ZBTB22: variants seen among roughly 807,000 people sequenced by gnomAD.
The protein encoded by ZBTB22 is zinc finger and BTB domain containing 22.
For synonymous variants in ZBTB22, 356 were observed against 347.3 expected (o/e 1.03, Z -0.28); for missense variants, 668 against 834.1 (o/e 0.80, Z 2.45).
chr6:33,315,903 TTCA>T lies in ZBTB22; in HGVS notation c.1011_1013del (p.Asp337del), dbSNP rs1464678101. The T allele has an allele frequency of 1.2e-6, 2 of 1,613,878 alleles. No individual in the cohort carries two copies. The highest frequency in any genetic ancestry group is 1.7e-6 in the Non-Finnish European group (2 of 1,179,988). On this transcript the variant is annotated inframe_deletion, in exon 2 of 2. Transcript: ENST00000431845. The surrounding 1 kb of genome is among the most constrained non-coding windows in gnomAD (Gnocchi z 5.4). ...GAACCCTGGAGCTACCCCCTAGTTC[TTCA>T]TCTTCATCATCCTCACAGGTCAACA...
At position 33,314,431 on chromosome 6, in the gene ZBTB22, A is replaced by C; in HGVS notation, c.*581T>G. 3 of 297,172 alleles carry C rather than the reference A, an allele frequency of 1.0e-5. No homozygotes were observed. The highest frequency in any genetic ancestry group is 6.2e-5 in the East Asian group (1 of 16,108). 18.4% of individuals were successfully genotyped at this position (297,172 alleles called of 1,614,324 possible). A position where few individuals can be genotyped will look rare whatever the true frequency, so the allele number is the denominator to read the frequency against. On this transcript the variant is annotated 3_prime_UTR_variant, in exon 2 of 2. Transcript: ENST00000431845. ...CGGGAAGCCAAGTAAATGACCAATA[A>C]ATATTTTAATCACTGTTAAAAAAAA...
Position 33,316,674 on chromosome 6 carries a change from G to A in ZBTB22, c.243C>T (p.Tyr81=), listed in dbSNP as rs772746762. ...HRAVLAASSP[Y]FHDQVLLKGM... is the part of the protein sequence containing the mutation. ...CTTTGAGTAGGACCTGATCATGGAA[G>A]TAAGGGGAGGAGGCAGCCAGGACAG... Residue 81 remains tyrosine (Y), a synonymous_variant, in exon 2 of 2, where the codon TAC becomes TAT. Coordinates refer to ENST00000431845, the MANE Select transcript of ZBTB22 (RefSeq NM_005453.5). This position sits in a 1 kb window ranked among gnomAD's most constrained non-coding sequence, Gnocchi z 7.2. 46 of 1,614,106 alleles carry A rather than the reference G, an allele frequency of 2.8e-5. No homozygotes were observed. The highest frequency in any genetic ancestry group is 3.8e-5 in the Non-Finnish European group (45 of 1,180,048).
In ZBTB22 at chr6:33,316,419, G is replaced by T; in HGVS notation, c.498C>A (p.Val166=). The change falls in exon 2 of 2, where the codon GTC becomes GTA. Residue 166 remains valine, a synonymous_variant. Transcript: ENST00000431845. The surrounding 1 kb of genome is among the most constrained non-coding windows in gnomAD (Gnocchi z 7.2). ...TTITTAAATS[V]TVPGAGVPSG... ...ATGGCACCCCAGCACCAGGGACAGT[G>T]ACAGAGGTGGCTGCAGCAGTAGTGA... 6.2e-7 allele frequency: 1 copy of T among 1,614,168 alleles called. No homozygotes were observed. The highest frequency in any genetic ancestry group is 1.1e-5 in the South Asian group (1 of 91,082).
rs747151828 is a variant in ZBTB22 at position 33,315,490 on chromosome 6, C to T, written c.1427G>A (p.Gly476Glu). ...CTTATTCCCGTCCCCACTGCCAGTC[C>T]CTCCAGGGACCCCACCAACGCTACC... ...VPGSVGGVPG[G>E]TGSGDGNKIF... Residue 476 changes from glycine to glutamate, a missense_variant, in exon 2 of 2, where the codon GGG (glycine) becomes GAG (glutamate). Transcript: ENST00000431845. The surrounding 1 kb of genome is among the most constrained non-coding windows in gnomAD (Gnocchi z 5.4). 1 of 1,614,002 alleles carries T rather than the reference C, an allele frequency of 6.2e-7. No homozygotes were observed. Among genetic ancestry groups the T allele is most frequent in the East Asian group, 2.2e-5 (1 of 44,860 alleles).
At chr6:33,317,048 C>CA in intron 1 of ZBTB22, 63 bp from the exon 2 acceptor site, 1 of 1,141,858 alleles carries the variant, frequency 8.8e-7, no homozygotes, top group Non-Finnish European at 1.2e-6. Flanking sequence ...CGTTACAACT[C>CA]AAAAATATGT....
Position 33,316,411 on chromosome 6 carries a change from G to T in ZBTB22, c.506C>A (p.Pro169His). The change falls in exon 2 of 2, where the codon CCT becomes CAT. Residue 169 changes from proline to histidine, a missense_variant. Coordinates refer to ENST00000431845, the MANE Select transcript of ZBTB22 (RefSeq NM_005453.5). The surrounding 1 kb of genome is among the most constrained non-coding windows in gnomAD (Gnocchi z 7.2). Reference sequence around the variant, plus strand: ...ACTCCCGGATGGCACCCCAGCACCAGGGACAGTGACAGAGGTGGCTGCAGC... The same window carrying T: ...ACTCCCGGATGGCACCCCAGCACCATGGACAGTGACAGAGGTGGCTGCAGC... Reference protein sequence around the residue: ...TTAAATSVTVPGAGVPSGSGG... With the variant: ...TTAAATSVTVHGAGVPSGSGG... The T allele has an allele frequency of 6.2e-7, 1 of 1,614,160 alleles. No homozygotes were observed.
chr6:33,314,856 G>A lies in ZBTB22; in HGVS notation c.*156C>T. 1.5e-6 allele frequency: 2 copies of A among 1,375,062 alleles called. No homozygotes were observed. The highest frequency in any genetic ancestry group is 1.9e-6 in the Non-Finnish European group (2 of 1,049,276). 85.2% of individuals were successfully genotyped at this position (1,375,062 alleles called of 1,614,324 possible). A position where few individuals can be genotyped will look rare whatever the true frequency, so the allele number is the denominator to read the frequency against. ...TGAGTAGTAGAATGGGCGGGCGATGGTGAAACTGTGGTTCCCCTTCCAGAA... is the reference window on the plus strand; with the variant it reads ...TGAGTAGTAGAATGGGCGGGCGATGATGAAACTGTGGTTCCCCTTCCAGAA... On this transcript the variant is annotated 3_prime_UTR_variant, in exon 2 of 2. Coordinates refer to ENST00000431845, the MANE Select transcript of ZBTB22 (RefSeq NM_005453.5).
chr6:33,315,129 G>T lies in ZBTB22; in HGVS notation c.1788C>A (p.Gly596=). 1 of 1,612,624 alleles carries T rather than the reference G, an allele frequency of 6.2e-7. No homozygotes were observed. The highest frequency in any genetic ancestry group is 8.5e-7 in the Non-Finnish European group (1 of 1,178,932). The part of the protein sequence containing the change: ...LPSKRESPGV[G]GGSGDEASAA... ...CACTCGCTTCGTCGCCGCTGCCCCC[G>T]CCCACTCCGGGAGACTCTCTCTTGG... The change falls in exon 2 of 2, where the codon GGC becomes GGA. Residue 596 remains glycine, a synonymous_variant. Transcript: ENST00000431845. The surrounding 1 kb of genome is among the most constrained non-coding windows in gnomAD (Gnocchi z 5.4).
chr6:33,316,100 C>A lies in ZBTB22; in HGVS notation c.817G>T (p.Gly273Trp). 1 of 1,613,320 alleles carries A rather than the reference C, an allele frequency of 6.2e-7. No homozygotes were observed. Among genetic ancestry groups the A allele is most frequent in the Non-Finnish European group, 8.5e-7 (1 of 1,179,958 alleles). The change falls in exon 2 of 2, where the codon GGG becomes TGG. Residue 273 changes from glycine (G) to tryptophan (W), a missense_variant. Coordinates refer to ENST00000431845, the MANE Select transcript of ZBTB22 (RefSeq NM_005453.5). This position sits in a 1 kb window ranked among gnomAD's most constrained non-coding sequence, Gnocchi z 7.2. ...ELCDDGGDGRGAVVPGAGLRR... is the reference protein window; with the variant it reads ...ELCDDGGDGRWAVVPGAGLRR... ...AGCCCAGCCCCAGGAACCACTGCCC[C>A]CCTCCCATCCCCACCATCATCGCAC...
In ZBTB22 at chr6:33,316,128, C is replaced by G; in HGVS notation, c.789G>C (p.Glu263Asp). 1 of 1,613,652 alleles carries G rather than the reference C, an allele frequency of 6.2e-7. No individual in the cohort carries two copies. Among genetic ancestry groups the G allele is most frequent in the Non-Finnish European group, 8.5e-7 (1 of 1,180,006 alleles). Reference protein sequence around the residue: ...TSGKLLLEADELCDDGGDGRG... With the variant: ...TSGKLLLEADDLCDDGGDGRG... ...TCCCATCCCCACCATCATCGCACAG[C>G]TCATCTGCCTCCAGCAGCAGCTTTC... The change falls in exon 2 of 2, where the codon GAG (glutamate) becomes GAC (aspartate). Residue 263 changes from glutamate to aspartate, a missense_variant. Physicochemically the swap from Glu to Asp is conservative, Grantham distance 45. Coordinates refer to ENST00000431845, the MANE Select transcript of ZBTB22 (RefSeq NM_005453.5). This position sits in a 1 kb window ranked among gnomAD's most constrained non-coding sequence, Gnocchi z 7.2.
chr6:33,316,199 G>A lies in ZBTB22; in HGVS notation c.718C>T (p.Pro240Ser). The change falls in exon 2 of 2, where the codon CCT (proline) becomes TCT (serine). Residue 240 changes from proline to serine, a missense_variant. Physicochemically the swap from Pro to Ser is moderately conservative, Grantham distance 74 (BLOSUM62 -1). Coordinates refer to ENST00000431845, the MANE Select transcript of ZBTB22 (RefSeq NM_005453.5). This position sits in a 1 kb window ranked among gnomAD's most constrained non-coding sequence, Gnocchi z 7.2. ...VGSGERRGGG[P>S]VFPAPVVGSG... ...CCAACGACAGGGGCTGGGAATACAGGGCCACCTCCTCGACGCTCCCCACTG... is the reference window on the plus strand; with the variant it reads ...CCAACGACAGGGGCTGGGAATACAGAGCCACCTCCTCGACGCTCCCCACTG... The A allele has an allele frequency of 6.2e-7, 1 of 1,614,046 alleles. No homozygotes were observed. The highest frequency in any genetic ancestry group is 8.5e-7 in the Non-Finnish European group (1 of 1,180,024).
Position 33,316,325 on chromosome 6 carries a change from T to C in ZBTB22, c.592A>G (p.Ser198Gly), listed in dbSNP as rs758165160. Residue 198 changes from serine to glycine, a missense_variant, in exon 2 of 2, where the codon AGT becomes GGT. Physicochemically the swap from Ser to Gly is moderately conservative, Grantham distance 56 (BLOSUM62 0). Transcript: ENST00000431845. This position sits in a 1 kb window ranked among gnomAD's most constrained non-coding sequence, Gnocchi z 7.2. ...CTGCTGCTGGGAGATTGATTCTCAC[T>C]GGCCCGGCTGGAGGCATGGGAGCGC... ...SARSHASSRASENQSPSSSNY... is the reference protein window; with the variant it reads ...SARSHASSRAGENQSPSSSNY... 1 of 1,613,944 alleles carries C rather than the reference T, an allele frequency of 6.2e-7. No homozygotes were observed. Among genetic ancestry groups the C allele is most frequent in the South Asian group, 1.1e-5 (1 of 91,088 alleles).
At position 33,315,832 on chromosome 6, in the gene ZBTB22, C is replaced by T. The variant is rs147840428; in HGVS notation, c.1085G>A (p.Arg362His). The change falls in exon 2 of 2, where the codon CGT becomes CAT. Residue 362 changes from arginine (R) to histidine (H), a missense_variant. Transcript: ENST00000431845. The surrounding 1 kb of genome is among the most constrained non-coding windows in gnomAD (Gnocchi z 5.4). ...CTTGTCTGGGGGCTCACTCAGGGTACGGACATCACTTATGCTGAGGGTAGC... is the reference window on the plus strand; with the variant it reads ...CTTGTCTGGGGGCTCACTCAGGGTATGGACATCACTTATGCTGAGGGTAGC... ...PEATLSISDVRTLSEPPDKGE... is the reference protein window; with the variant it reads ...PEATLSISDVHTLSEPPDKGE... 94 of 1,612,784 alleles carry T rather than the reference C, an allele frequency of 5.8e-5. No individual in the cohort carries two copies. Among genetic ancestry groups the T allele is most frequent in the Admixed American group, 2.3e-4 (14 of 59,964 alleles).
In ZBTB22 at chr6:33,314,851, C is replaced by T. The variant is rs1061783; in HGVS notation, c.*161G>A. The T allele has an allele frequency of 0.51, 687,034 of 1,342,590 alleles. 177,837 individuals carry two copies. The highest frequency in any genetic ancestry group is 0.63 in the South Asian group (33,738 of 53,522). 83.2% of individuals were successfully genotyped at this position (1,342,590 alleles called of 1,614,324 possible). ...GGGGTTGAGTAGTAGAATGGGCGGG[C>T]GATGGTGAAACTGTGGTTCCCCTTC... On this transcript the variant is annotated 3_prime_UTR_variant, in exon 2 of 2. Transcript: ENST00000431845.
chr6:33,314,947 G>A lies in ZBTB22; in HGVS notation c.*65C>T. 6.6e-7 allele frequency: 1 copy of A among 1,508,486 alleles called. No individual in the cohort carries two copies. The highest frequency in any genetic ancestry group is 8.9e-7 in the Non-Finnish European group (1 of 1,128,026). The allele number at this position is 1,508,486 out of a possible 1,614,324, so 93.4% of individuals were successfully genotyped here. A position where few individuals can be genotyped will look rare whatever the true frequency, so the allele number is the denominator to read the frequency against. Reference sequence around the variant, plus strand: ...GGTGGGAGATCACCCGGGGGCCACAGCGCCCTTGCATCGTGCTCCTTATTC... The same window carrying A: ...GGTGGGAGATCACCCGGGGGCCACAACGCCCTTGCATCGTGCTCCTTATTC... On this transcript the variant is annotated 3_prime_UTR_variant, in exon 2 of 2. Coordinates refer to ENST00000431845, the MANE Select transcript of ZBTB22 (RefSeq NM_005453.5).
Position 33,316,896 on chromosome 6 carries a change from A to T in ZBTB22, c.21T>A (p.Ser7=). 6.2e-7 allele frequency: 1 copy of T among 1,605,832 alleles called. No homozygotes were observed. The highest frequency in any genetic ancestry group is 8.5e-7 in the Non-Finnish European group (1 of 1,176,046). ...GCAGGGGAAGTGCTGCCCCACTGGG[A>T]GACAGAGGAGATGGCTCCATGTTGT... MEPSPL[S]PSGAALPLPL... is the part of the protein sequence containing the mutation. Residue 7 remains serine, a synonymous_variant, in exon 2 of 2, where the codon TCT becomes TCA. Transcript: ENST00000431845. The surrounding 1 kb of genome is among the most constrained non-coding windows in gnomAD (Gnocchi z 7.2).
In ZBTB22 at chr6:33,316,752, C is replaced by T; in HGVS notation, c.165G>A (p.Gln55=). The change falls in exon 2 of 2, where the codon CAG becomes CAA. Residue 55 remains glutamine (Q), a synonymous_variant. Transcript: ENST00000431845. The surrounding 1 kb of genome is among the most constrained non-coding windows in gnomAD (Gnocchi z 7.2). ...GCACTCTGATAGATACATCGCAGAGCTGGCCCTGCAGACGCTGCTGATTGA... is the reference window on the plus strand; with the variant it reads ...GCACTCTGATAGATACATCGCAGAGTTGGCCCTGCAGACGCTGCTGATTGA... ...ESLNQQRLQG[Q]LCDVSIRVQG... 1 of 1,614,200 alleles carries T rather than the reference C, an allele frequency of 6.2e-7. No individual in the cohort carries two copies. The highest frequency in any genetic ancestry group is 8.5e-7 in the Non-Finnish European group (1 of 1,180,042).
In ZBTB22 at chr6:33,314,865, T is replaced by C; in HGVS notation, c.*147A>G. On this transcript the variant is annotated 3_prime_UTR_variant, in exon 2 of 2. Transcript: ENST00000431845. Reference sequence around the variant, plus strand: ...GAATGGGCGGGCGATGGTGAAACTGTGGTTCCCCTTCCAGAATATATACAA... The same window carrying C: ...GAATGGGCGGGCGATGGTGAAACTGCGGTTCCCCTTCCAGAATATATACAA... 8 of 1,395,196 alleles carry C rather than the reference T, an allele frequency of 5.7e-6. No individual in the cohort carries two copies. The highest frequency in any genetic ancestry group is 5.6e-6 in the Non-Finnish European group (6 of 1,064,610). 86.4% of individuals were successfully genotyped at this position (1,395,196 alleles called of 1,614,324 possible).
chr6:33,316,416 A>T lies in ZBTB22; in HGVS notation c.501T>A (p.Thr167=). 2 of 1,614,128 alleles carry T rather than the reference A, an allele frequency of 1.2e-6. No homozygotes were observed. Among genetic ancestry groups the T allele is most frequent in the Non-Finnish European group, 1.7e-6 (2 of 1,180,028 alleles). ...CGGATGGCACCCCAGCACCAGGGAC[A>T]GTGACAGAGGTGGCTGCAGCAGTAG... is the stretch of plus-strand genomic sequence containing the variant. ...TITTAAATSV[T]VPGAGVPSGS... is the part of the protein sequence containing the mutation. Residue 167 remains threonine (T), a synonymous_variant, in exon 2 of 2, where the codon ACT becomes ACA. Coordinates refer to ENST00000431845, the MANE Select transcript of ZBTB22 (RefSeq NM_005453.5). This position sits in a 1 kb window ranked among gnomAD's most constrained non-coding sequence, Gnocchi z 7.2.
Sources: allele counts gnomAD v4.1 joint callset, GRCh38; gene constraint gnomAD v4.1.1; non-coding constraint Gnocchi (gnomAD v3.1); transcripts MANE v1.5; gene names NCBI Gene and HGNC (gene_info 2026-07-23, HGNC 2026-07-21).